The following RPTOR variants were observed in gnomAD, a reference collection of about 807,000 sequenced individuals.
RPTOR encodes the protein regulatory associated protein of MTOR complex 1.
A neutral mutation model predicts 169.9 loss-of-function variants in RPTOR; 21 were observed. The ratio of observed to expected loss-of-function variants is 0.12; its 90% confidence interval spans 0.09 to 0.18. The LOEUF (loss-of-function observed/expected upper bound fraction) is 0.18, where lower values mean the gene tolerates loss of function less well. Among genes scored for constraint, RPTOR ranks in the 10% least tolerant of loss-of-function variants. The probability of loss-of-function intolerance (pLI) is 1.00; values close to 1 mark genes in which losing one functional copy is unlikely to be tolerated. For synonymous variants in RPTOR, 732 were observed against 753.2 expected, an observed-to-expected ratio of 0.97 and a Z score of 0.46; for missense variants, 1,133 against 1,855.9, an observed-to-expected ratio of 0.61 and a Z score of 7.16.
intron 1 of RPTOR, among the ~76,000 whole-genome samples, chr17:80,608,598 GA>G (rs1315066343): frequency 6.6e-6 from 1 of 152,218 alleles, no homozygotes; most frequent in Non-Finnish European, 1.5e-5. Flanking sequence ...GCGACAGATG[GA>G]AGTGTGTGGG....
chr17:80,796,684 T>C (rs1290434057), intron 7 of RPTOR, among the ~76,000 whole-genome samples: 1 of 152,212 alleles, frequency 6.6e-6, no homozygotes, highest in African/African-American at 2.4e-5. Flanking sequence ...TCAGTCTTTA[T>C]TGAGAATAAC....
In RPTOR at chr17:80,852,343, G is replaced by A. The variant is rs140406571; in HGVS notation, c.1315-3121G>A. 2.4e-3 allele frequency among the ~76,000 whole-genome samples: 359 copies of A among 152,230 alleles called. No homozygotes were observed. The Middle Eastern group carries it at 0.024, about 10-fold the overall frequency. Reference sequence around the variant, plus strand: ...TAACATCAGGTTAGCCGGCCCCAGAGCCAGTGCTTTTCCTCCGACTGGCCC... The same window carrying A: ...TAACATCAGGTTAGCCGGCCCCAGAACCAGTGCTTTTCCTCCGACTGGCCC... On this transcript the variant is annotated intron_variant, in intron 11 of 33. Coordinates refer to ENST00000306801, the MANE Select transcript of RPTOR (RefSeq NM_020761.3).
At chr17:80,613,891 G>A (rs868826218) in intron 1 of RPTOR, among the ~76,000 whole-genome samples, 33 of 152,378 alleles carry the variant, frequency 2.2e-4, no homozygotes, top group Middle Eastern at 3.4e-3. Context: ...TGTGGAGCAC[G>A]ATGAAGCGTC....
In RPTOR at chr17:80,695,923, C is replaced by CCCGG. The variant is rs2066032537; in HGVS notation, c.349-11917_349-11914dup. ...CCTGCGTGAGCTGGCTTTGATCTAC[C>CCCGG]CCGGACCCATCTTTCTGTGAAGAGT... On this transcript the variant is annotated intron_variant, in intron 3 of 33. Transcript: ENST00000306801. The surrounding 1 kb of genome is among the most constrained non-coding windows in gnomAD (Gnocchi z 4.9). Among the ~76,000 whole-genome samples, 2 of 152,162 alleles carry CCCGG rather than the reference C, an allele frequency of 1.3e-5. No individual in the cohort carries two copies. The highest frequency in any genetic ancestry group is 6.5e-5 in the Admixed American group (1 of 15,270).
intron 7 of RPTOR, among the ~76,000 whole-genome samples, chr17:80,793,082 A>G (rs141287328): frequency 2.7e-4 from 41 of 152,258 alleles, no homozygotes; most frequent in African/African-American, 9.6e-4. Context: ...AAGCGCCGGG[A>G]TTACAGGCGT....
chr17:80,843,045 C>T (rs775266547), intron 10 of RPTOR, among the ~76,000 whole-genome samples: 2 of 152,330 alleles, frequency 1.3e-5, no homozygotes, highest in Non-Finnish European at 2.9e-5. Context: ...CCCACAACTT[C>T]GTTTTTTTCC....
At position 80,878,422 on chromosome 17, in the gene RPTOR, C is replaced by T. The variant is rs556317258; in HGVS notation, c.1510-1993C>T. On this transcript the variant is annotated intron_variant, in intron 13 of 33. Coordinates refer to ENST00000306801, the MANE Select transcript of RPTOR (RefSeq NM_020761.3). This position sits in a 1 kb window ranked among gnomAD's most constrained non-coding sequence, Gnocchi z 4.1. The stretch of plus-strand genomic sequence containing the variant: ...AATGCAGTGGTGCGATCTCAGCTCA[C>T]TACAGCCTCCGCCTCCCAGGTTCCA... Among the ~76,000 whole-genome samples the T allele has an allele frequency of 6.6e-6, 1 of 152,104 alleles. No homozygotes were observed. Among genetic ancestry groups the T allele is most frequent in the Non-Finnish European group, 1.5e-5 (1 of 68,018 alleles).
In RPTOR at chr17:80,845,639, G is replaced by A. The variant is rs1340069922; in HGVS notation, c.1213-834G>A. Among the ~76,000 whole-genome samples, 1 of 151,728 alleles carries A rather than the reference G, an allele frequency of 6.6e-6. No individual in the cohort carries two copies. The highest frequency in any genetic ancestry group is 1.5e-5 in the Non-Finnish European group (1 of 67,968). On this transcript the variant is annotated intron_variant, in intron 10 of 33. Coordinates refer to ENST00000306801, the MANE Select transcript of RPTOR (RefSeq NM_020761.3). The surrounding 1 kb of genome is among the most constrained non-coding windows in gnomAD (Gnocchi z 5.4). ...CCTTTCCCCACCCTCCGTGCCCCCA[G>A]CTGGGTCTTTCTCACCAGCGTCCTG...
intron 13 of RPTOR, among the ~76,000 whole-genome samples, chr17:80,867,362 T>C (rs201686990): frequency 2.0e-5 from 3 of 147,794 alleles, no homozygotes; most frequent in Non-Finnish European, 4.5e-5. Flanking sequence ...ACTTCTGATT[T>C]AAAAAAAAAA....
chr17:80,634,292 AC>A (rs1400863968), intron 2 of RPTOR, among the ~76,000 whole-genome samples: 7 of 117,106 alleles, frequency 6.0e-5, no homozygotes, highest in African/African-American at 1.5e-4. Flanking sequence ...GTGTGTGCGT[AC>A]TGTGTGTGTG....
chr17:80,741,136 A>C (rs575229940), intron 5 of RPTOR, among the ~76,000 whole-genome samples: 1 of 152,326 alleles, frequency 6.6e-6, no homozygotes, highest in African/African-American at 2.4e-5. Context: ...GGTTCTCAAG[A>C]TGTGAAACTG....
chr17:80,779,448 C>T (rs1274052734), intron 6 of RPTOR, among the ~76,000 whole-genome samples: 2 of 152,198 alleles, frequency 1.3e-5, no homozygotes, highest in Non-Finnish European at 2.9e-5. Flanking sequence ...GCGCAAGCAG[C>T]GTGCGGATCT....
intron 13 of RPTOR, among the ~76,000 whole-genome samples, chr17:80,865,786 C>G (rs914944920): frequency 6.6e-6 from 1 of 151,946 alleles, no homozygotes; most frequent in African/African-American, 2.4e-5. Context: ...GGGACTTGAG[C>G]AGCACTCTCC....
intron 21 of RPTOR, among the ~76,000 whole-genome samples, chr17:80,914,248 C>T (rs1306524198): frequency 2.0e-5 from 3 of 152,250 alleles, no homozygotes; most frequent in Non-Finnish European, 1.5e-5. Flanking sequence ...CCACCCCCTT[C>T]CAAACTGGCA....
rs567721547 is a variant in RPTOR at position 80,943,455 on chromosome 17, G to A, written c.3026-2212G>A. On this transcript the variant is annotated intron_variant, in intron 25 of 33. Transcript: ENST00000306801. ...AAAAAACGGGAAACAGGGCCTCCCC[G>A]CAAAGCCGGAGTCCTGCTGGTGCAC... Among the ~76,000 whole-genome samples the A allele has an allele frequency of 5.9e-5, 9 of 152,312 alleles. No individual in the cohort carries two copies. In the South Asian group the frequency reaches 1.4e-3, roughly 25 times the overall value.
chr17:80,606,878 T>C (rs1004374347), intron 1 of RPTOR, among the ~76,000 whole-genome samples: 3 of 152,176 alleles, frequency 2.0e-5, no homozygotes, highest in Admixed American at 2.0e-4. Context: ...TCATACCTCT[T>C]AGCAATCAGC....
At chr17:80,881,799 G>A (rs2068188852) in intron 14 of RPTOR, among the ~76,000 whole-genome samples, 1 of 152,196 alleles carries the variant, frequency 6.6e-6, no homozygotes, top group African/African-American at 2.4e-5. Context: ...TCCAGCCTGA[G>A]CAACAGAGTG....
At chr17:80,779,627 G>T (rs769170724) in intron 6 of RPTOR, among the ~76,000 whole-genome samples, 3 of 152,112 alleles carry the variant, frequency 2.0e-5, no homozygotes, top group Non-Finnish European at 4.4e-5. Flanking sequence ...GCCTCTTAAG[G>T]GCGGTTGGGA....
At chr17:80,717,275 A>G (rs935857111) in intron 4 of RPTOR, among the ~76,000 whole-genome samples, 1 of 152,072 alleles carries the variant, frequency 6.6e-6, no homozygotes, top group Non-Finnish European at 1.5e-5. Context: ...TATTGTCTCT[A>G]TGTCACCATT....
Sources: gnomAD v4.1 joint callset for allele counts (sites outside exome capture counted in the v4.1 genomes callset) on GRCh38, gnomAD v4.1.1 for gene constraint, Gnocchi (gnomAD v3.1) non-coding constraint, MANE v1.5 for transcripts, NCBI Gene and HGNC (gene_info 2026-07-23, HGNC 2026-07-21) for gene names.